The following SYNDIG1L variants were observed in gnomAD, a reference collection of about 807,000 sequenced individuals.
SYNDIG1L encodes the protein synapse differentiation-inducing gene protein 1-like.
SYNDIG1L carries 13 observed loss-of-function variants against 20.1 expected under a neutral mutation model. The ratio of observed to expected loss-of-function variants is 0.65; its 90% CI spans 0.42 to 1.03. The LOEUF (loss-of-function observed/expected upper bound fraction) is 1.03, where lower values mean the gene tolerates loss of function less well. Among genes scored for constraint, SYNDIG1L ranks in the 50% least tolerant of loss-of-function variants. SYNDIG1L has a pLI of 0.00. For synonymous variants in SYNDIG1L, 128 were observed against 129.3 expected (o/e 0.99, Z 0.07); for missense variants, 294 against 305.1 (o/e 0.96, Z 0.27).
the SYNDIG1L span, among the ~76,000 whole-genome samples, chr14:74,446,774 G>A: frequency 1.3e-5 from 2 of 151,928 alleles, no homozygotes; most frequent in African/African-American, 2.4e-5. Flanking sequence ...ATGCCACCAC[G>A]CTCGGCTAAT....
the SYNDIG1L span, among the ~76,000 whole-genome samples, chr14:74,462,896 T>G: frequency 6.6e-6 from 1 of 152,224 alleles, no homozygotes; most frequent in African/African-American, 2.4e-5. Context: ...AAGGAGCAAC[T>G]GTACTTGAGT....
intron 1 of SYNDIG1L, among the ~76,000 whole-genome samples, chr14:74,414,125 C>G (rs2086155648): frequency 6.6e-6 from 1 of 152,206 alleles, no homozygotes; most frequent in Non-Finnish European, 1.5e-5. Flanking sequence ...TTATCATCAC[C>G]ACCGTTGTGG....
chr14:74,412,576 C>T (rs946612239), intron 1 of SYNDIG1L, among the ~76,000 whole-genome samples: 2 of 152,214 alleles, frequency 1.3e-5, no homozygotes, highest in African/African-American at 2.4e-5. Context: ...CCTCTGCCCC[C>T]TTTTGAGGGT....
At chr14:74,422,718 C>CT (rs59543139) in intron 1 of SYNDIG1L, among the ~76,000 whole-genome samples, 96 of 141,438 alleles carry the variant, frequency 6.8e-4, no homozygotes, top group South Asian at 1.8e-3. Context: ...TCCTTTCTCT[C>CT]TTTTTTTTTT....
chr14:74,455,095 T>C, the SYNDIG1L span, among the ~76,000 whole-genome samples: 1 of 152,226 alleles, frequency 6.6e-6, no homozygotes, highest in South Asian at 2.1e-4. Context: ...GCCTCAAGAC[T>C]GCAGTGTCAG....
upstream of SYNDIG1L, among the ~76,000 whole-genome samples, chr14:74,426,973 C>T (rs930486819): frequency 6.6e-6 from 1 of 152,152 alleles, no homozygotes; most frequent in East Asian, 1.9e-4. Flanking sequence ...AGATGACATA[C>T]GTGACACATT....
At chr14:74,428,160 G>A (rs1167708285), upstream of SYNDIG1L, among the ~76,000 whole-genome samples, 1 of 152,240 alleles carries the variant, frequency 6.6e-6, no homozygotes, top group Admixed American at 6.5e-5. Context: ...GCGACCTTAG[G>A]CAGTCGCCTA....
At chr14:74,445,847 T>C in the SYNDIG1L span, among the ~76,000 whole-genome samples, 1 of 152,240 alleles carries the variant, frequency 6.6e-6, no homozygotes, top group Non-Finnish European at 1.5e-5. Flanking sequence ...TGTACAAATA[T>C]GTCTATATAT....
At chr14:74,440,792 C>G in the SYNDIG1L span, among the ~76,000 whole-genome samples, 1 of 151,824 alleles carries the variant, frequency 6.6e-6, no homozygotes, top group South Asian at 2.1e-4. Flanking sequence ...ACCAGGCAAA[C>G]AGCAGTGAAA....
At chr14:74,415,276 C>G (rs565701224) in intron 1 of SYNDIG1L, among the ~76,000 whole-genome samples, 2 of 152,150 alleles carry the variant, frequency 1.3e-5, no homozygotes, top group African/African-American at 4.8e-5. Flanking sequence ...CCGCCAGAAG[C>G]GAAAGTTGTC....
intron 1 of SYNDIG1L, among the ~76,000 whole-genome samples, chr14:74,420,162 C>T (rs867625981): frequency 3.3e-5 from 5 of 151,914 alleles, no homozygotes; most frequent in South Asian, 2.1e-4. Flanking sequence ...TTTGGAAGGT[C>T]GAGGCGGGTG....
the SYNDIG1L span, among the ~76,000 whole-genome samples, chr14:74,432,180 T>TGTGTGTGTGTGTGTGTGA: frequency 3.2e-5 from 4 of 124,158 alleles, no homozygotes; most frequent in East Asian, 2.3e-4. Flanking sequence ...TGTGTGTGTG[T>TGTGTGTGTGTGTGTGTGA]GAGAGAGAGA....
At chr14:74,479,298 G>A in the SYNDIG1L span, 1 of 152,298 alleles carries the variant, frequency 6.6e-6, no homozygotes, top group Non-Finnish European at 1.5e-5. Flanking sequence ...AAAAGAACTG[G>A]ATCAAATCAA....
chr14:74,455,545 G>A, the SYNDIG1L span, among the ~76,000 whole-genome samples: 1 of 152,114 alleles, frequency 6.6e-6, no homozygotes, highest in Non-Finnish European at 1.5e-5. Flanking sequence ...TCAGTCTCCT[G>A]AGTAGCTGGG....
In SYNDIG1L at chr14:74,409,464, T is replaced by A. The variant is rs1280885067; in HGVS notation, c.281A>T (p.Asp94Val). The A allele has an allele frequency of 6.2e-7, 1 of 1,613,608 alleles. No homozygotes were observed. The highest frequency in any genetic ancestry group is 8.5e-7 in the Non-Finnish European group (1 of 1,179,848). ...TGGAGGCCCCTCCTGGGGCTCCCTGTCCTCTGTGAAGCTTGTCTCACAGCT... is the reference window on the plus strand; with the variant it reads ...TGGAGGCCCCTCCTGGGGCTCCCTGACCTCTGTGAAGCTTGTCTCACAGCT... ...AGSCETSFTEDREPQEGPPEQ... is the reference protein window; with the variant it reads ...AGSCETSFTEVREPQEGPPEQ... Residue 94 changes from aspartate to valine, a missense_variant, in exon 2 of 4, where the codon GAC becomes GTC. Coordinates refer to ENST00000331628, the MANE Select transcript of SYNDIG1L (RefSeq NM_001105579.2).
the SYNDIG1L span, among the ~76,000 whole-genome samples, chr14:74,470,571 G>A: frequency 6.6e-6 from 1 of 152,228 alleles, no homozygotes; most frequent in Admixed American, 6.5e-5. Flanking sequence ...AGGAAGAGTG[G>A]CACGGGTTTG....
At chr14:74,419,357 C>G (rs1397527585) in intron 1 of SYNDIG1L, among the ~76,000 whole-genome samples, 1 of 152,190 alleles carries the variant, frequency 6.6e-6, no homozygotes, top group African/African-American at 2.4e-5. Context: ...CCTGCATTCC[C>G]TTGCGTGGCA....
At chr14:74,458,184 CTGAG>C in the SYNDIG1L span, among the ~76,000 whole-genome samples, 28 of 152,064 alleles carry the variant, frequency 1.8e-4, no homozygotes, top group African/African-American at 6.3e-4. Flanking sequence ...GCTGTGAGGA[CTGAG>C]TGAGAAAATA....
the SYNDIG1L span, among the ~76,000 whole-genome samples, chr14:74,438,139 C>G: frequency 6.6e-6 from 1 of 152,134 alleles, no homozygotes; most frequent in African/African-American, 2.4e-5. Context: ...TGTGGCAGCA[C>G]CACATAACCA....
Sources: allele counts gnomAD v4.1 joint callset (sites outside exome capture counted in the v4.1 genomes callset), GRCh38; gene constraint gnomAD v4.1.1; transcripts MANE v1.5; gene names NCBI Gene and HGNC (gene_info 2026-07-23, HGNC 2026-07-21).